Variants in PPP1R1C observed in about 807,000 individuals in gnomAD.
PPP1R1C encodes the protein protein phosphatase 1 regulatory inhibitor subunit 1C.
PPP1R1C carries 15 observed loss-of-function variants against 17.4 expected under a neutral mutation model. That is an observed-to-expected ratio of 0.86 (90% CI 0.58 to 1.33). PPP1R1C has a LOEUF of 1.33. Ranked by LOEUF, PPP1R1C falls within the 40% of genes most tolerant of loss-of-function variation. PPP1R1C has a pLI of 0.00. For synonymous variants in PPP1R1C, 35 were observed against 43.1 expected (o/e 0.81, Z 0.73); for missense variants, 143 against 130.0 (o/e 1.10, Z -0.48).
At chr2:182,002,933 C>CCCG (rs1685811374) in intron 2 of PPP1R1C, among the ~76,000 whole-genome samples, 2 of 137,314 alleles carry the variant, frequency 1.5e-5, no homozygotes, top group African/African-American at 5.4e-5. Flanking sequence ...ATAAACCTCC[C>CCCG]CCCCCCCACA....
intron 2 of PPP1R1C, among the ~76,000 whole-genome samples, chr2:181,995,195 A>C (rs994327469): frequency 1.6e-4 from 25 of 152,250 alleles, no homozygotes; most frequent in African/African-American, 6.0e-4. Flanking sequence ...CATTCAGTAA[A>C]GAAGTGTCTG....
intron 4 of PPP1R1C, among the ~76,000 whole-genome samples, chr2:182,092,882 A>T (rs6717912): frequency 6.6e-6 from 1 of 152,172 alleles, no homozygotes; most frequent in Non-Finnish European, 1.5e-5. Flanking sequence ...ACAGGCTGGC[A>T]TTGAGTATCT....
chr2:182,086,141 T>C (rs926077640), intron 4 of PPP1R1C, among the ~76,000 whole-genome samples: 1 of 151,986 alleles, frequency 6.6e-6, no homozygotes, highest in Non-Finnish European at 1.5e-5. Flanking sequence ...TAAAACATTA[T>C]TGAAAGATAA....
chr2:182,046,126 T>G (rs937002377), intron 2 of PPP1R1C, among the ~76,000 whole-genome samples: 8 of 150,868 alleles, frequency 5.3e-5, no homozygotes, highest in Non-Finnish European at 1.5e-5. Context: ...CCTTCCTTCC[T>G]TCCTTCCTTC....
At chr2:182,105,904 A>G (rs760877105) in intron 4 of PPP1R1C, among the ~76,000 whole-genome samples, 14 of 152,196 alleles carry the variant, frequency 9.2e-5, no homozygotes, top group Non-Finnish European at 1.2e-4. Context: ...TGGTTGAAGC[A>G]GCAGAAATGT....
chr2:181,993,791 A>C (rs1361707389), intron 2 of PPP1R1C, among the ~76,000 whole-genome samples: 1 of 152,130 alleles, frequency 6.6e-6, no homozygotes, highest in Non-Finnish European at 1.5e-5. Flanking sequence ...TAAATAGCCC[A>C]ATCAGTTGGA....
At chr2:181,984,417 A>G (rs1458863872), upstream of PPP1R1C, among the ~76,000 whole-genome samples, 1 of 152,254 alleles carries the variant, frequency 6.6e-6, no homozygotes, top group Non-Finnish European at 1.5e-5. Flanking sequence ...ATATATTCAA[A>G]GAAATAACTT....
At chr2:182,015,912 C>G (rs1574379183) in intron 2 of PPP1R1C, among the ~76,000 whole-genome samples, 2 of 152,164 alleles carry the variant, frequency 1.3e-5, no homozygotes, top group East Asian at 3.9e-4. Flanking sequence ...CCTTTGGCTG[C>G]CCTGGCTGGT....
intron 2 of PPP1R1C, among the ~76,000 whole-genome samples, chr2:182,025,278 T>C (rs896941085): frequency 6.8e-6 from 1 of 146,250 alleles, no homozygotes; most frequent in Non-Finnish European, 1.5e-5. Flanking sequence ...TACATATGTA[T>C]ACATGTGCCA....
At chr2:182,129,273 G>A (rs777995882) in exon 6 of PPP1R1C, 1 of 152,098 alleles carries the variant, frequency 6.6e-6, no homozygotes, top group Non-Finnish European at 1.5e-5. Context: ...GGGATCTTGA[G>A]TTTAGGTACA....
At chr2:182,027,148 G>T (rs1017914832) in intron 2 of PPP1R1C, among the ~76,000 whole-genome samples, 1 of 141,336 alleles carries the variant, frequency 7.1e-6, no homozygotes, top group African/African-American at 2.7e-5. Context: ...CAATCATGTC[G>T]TCTGCAAACA....
At chr2:182,004,789 G>A (rs1327702667) in intron 2 of PPP1R1C, among the ~76,000 whole-genome samples, 2 of 152,194 alleles carry the variant, frequency 1.3e-5, no homozygotes, top group Non-Finnish European at 1.5e-5. Flanking sequence ...TGCAGAAAAA[G>A]AAACCTGAGT....
At chr2:182,093,465 G>A (rs562325100) in intron 4 of PPP1R1C, among the ~76,000 whole-genome samples, 25 of 152,262 alleles carry the variant, frequency 1.6e-4, no homozygotes, top group Admixed American at 9.2e-4. Context: ...TCAGCTCCTC[G>A]TTACTTATGC....
chr2:182,108,727 T>C (rs1689329418), intron 4 of PPP1R1C, among the ~76,000 whole-genome samples: 1 of 152,228 alleles, frequency 6.6e-6, no homozygotes, highest in East Asian at 1.9e-4. Flanking sequence ...GTGACATACT[T>C]GACTGTCTTC....
At chr2:182,004,803 T>C (rs1685868431) in intron 2 of PPP1R1C, among the ~76,000 whole-genome samples, 1 of 152,182 alleles carries the variant, frequency 6.6e-6, no homozygotes, top group African/African-American at 2.4e-5. Context: ...CCTGAGTGCA[T>C]AGAGATTTAG....
intron 2 of PPP1R1C, among the ~76,000 whole-genome samples, chr2:182,007,931 G>A (rs1188346031): frequency 6.6e-6 from 1 of 152,106 alleles, no homozygotes; most frequent in Non-Finnish European, 1.5e-5. Flanking sequence ...AGCCGGGAGT[G>A]GTGGTGGGTG....
At chr2:182,107,302 C>T (rs368621738) in intron 4 of PPP1R1C, among the ~76,000 whole-genome samples, 3 of 152,026 alleles carry the variant, frequency 2.0e-5, no homozygotes, top group Non-Finnish European at 4.4e-5. Context: ...TATTTTTGCC[C>T]AGAATTCTTC....
intron 2 of PPP1R1C, among the ~76,000 whole-genome samples, chr2:181,997,732 G>C (rs1347786117): frequency 6.6e-6 from 1 of 152,164 alleles, no homozygotes; most frequent in African/African-American, 2.4e-5. Context: ...ACGGACAGAA[G>C]TATTATAATT....
chr2:182,067,521 C>T (rs1688019823), intron 4 of PPP1R1C, among the ~76,000 whole-genome samples: 1 of 152,034 alleles, frequency 6.6e-6, no homozygotes, highest in African/African-American at 2.4e-5. Context: ...CATGATCTTC[C>T]AATCAGGGAA....
Sources: gnomAD v4.1 joint callset for allele counts (sites outside exome capture counted in the v4.1 genomes callset) on GRCh38, gnomAD v4.1.1 for gene constraint, MANE v1.5 for transcripts, NCBI Gene and HGNC (gene_info 2026-07-23, HGNC 2026-07-21) for gene names.